Variants in LDLRAD4 observed in about 807,000 individuals in gnomAD.
LDLRAD4 encodes the protein low density lipoprotein receptor class A domain containing 4, also known as low-density lipoprotein receptor class A domain-containing protein 4.
LDLRAD4 carries 5 observed loss-of-function variants against 17.0 expected under a neutral mutation model. The observed-to-expected ratio is 0.29, with a 90% CI of 0.15 to 0.62. The LOEUF (loss-of-function observed/expected upper bound fraction) is 0.62. Ranked by LOEUF, LDLRAD4 falls within the 20% of genes least tolerant of loss-of-function variation. The probability of loss-of-function intolerance (pLI) is 0.84; values close to 1 mark genes in which losing one functional copy is unlikely to be tolerated. For missense variants in LDLRAD4, 340 were observed against 424.7 expected, an observed-to-expected ratio of 0.80 and a Z score of 1.75; for synonymous variants, 168 against 171.8, an observed-to-expected ratio of 0.98 and a Z score of 0.17.
chr18:13,336,897 G>A (rs1053826573), intron 1 of LDLRAD4, among the ~76,000 whole-genome samples: 1 of 152,122 alleles, frequency 6.6e-6, no homozygotes, highest in African/African-American at 2.4e-5. Context: ...ATTCTAGGGA[G>A]TATTCGTCTA....
At chr18:13,491,556 T>C (rs945434328) in intron 3 of LDLRAD4, 1 of 152,220 alleles carries the variant, frequency 6.6e-6, no homozygotes, top group Non-Finnish European at 1.5e-5. Flanking sequence ...CTAGTTTCTG[T>C]CTGTTTCCTT....
chr18:13,400,998 G>T (rs2087136083), intron 2 of LDLRAD4, among the ~76,000 whole-genome samples: 1 of 152,158 alleles, frequency 6.6e-6, no homozygotes, highest in Admixed American at 6.5e-5. Flanking sequence ...ACAGCATTCA[G>T]GTCCCGTAGA....
At chr18:13,576,856 C>T (rs1277428713) in intron 3 of LDLRAD4, among the ~76,000 whole-genome samples, 2 of 152,228 alleles carry the variant, frequency 1.3e-5, no homozygotes, top group Non-Finnish European at 2.9e-5. Flanking sequence ...GCCTGGGGTG[C>T]CCATGAGCTC....
At chr18:13,626,809 G>A (rs1324646825) in intron 4 of LDLRAD4, among the ~76,000 whole-genome samples, 2 of 152,228 alleles carry the variant, frequency 1.3e-5, no homozygotes, top group African/African-American at 4.8e-5. Flanking sequence ...CTTGGTGGCT[G>A]TCAGCCCTCT....
At chr18:13,533,729 G>A (rs1292986917) in intron 3 of LDLRAD4, among the ~76,000 whole-genome samples, 2 of 152,128 alleles carry the variant, frequency 1.3e-5, no homozygotes, top group Non-Finnish European at 2.9e-5. Context: ...GGAGGGATGA[G>A]ATGGGTATTT....
intron 5 of LDLRAD4, 171 bp from the exon 7 acceptor site, chr18:13,644,956 G>A (rs1194299499): frequency 4.7e-6 from 3 of 634,452 alleles, no homozygotes; most frequent in East Asian, 2.8e-5. Flanking sequence ...AATCAGAAAA[G>A]TACACTTTTT....
chr18:13,585,774 A>G (rs2094924897), intron 3 of LDLRAD4, among the ~76,000 whole-genome samples: 1 of 152,192 alleles, frequency 6.6e-6, no homozygotes, highest in Non-Finnish European at 1.5e-5. Flanking sequence ...TTGTGTGGAG[A>G]TTGCTGATTC....
Position 13,621,042 on chromosome 18 carries a change from G to A in LDLRAD4, c.182-75G>A. On this transcript the variant is annotated intron_variant, in intron 3 of 5. Coordinates refer to ENST00000359446, the Ensembl canonical transcript of LDLRAD4. The surrounding 1 kb of genome is among the most constrained non-coding windows in gnomAD (Gnocchi z 5.5). ...GAGGCCTTCAGGGCCTGATGGCTGG[G>A]GTGGTGACAGTGCCTGGAGAATGGG... is the stretch of plus-strand genomic sequence containing the variant. 6.2e-7 allele frequency: 1 copy of A among 1,607,236 alleles called. No individual in the cohort carries two copies. Among genetic ancestry groups the A allele is most frequent in the South Asian group, 1.1e-5 (1 of 90,584 alleles).
intron 1 of LDLRAD4, among the ~76,000 whole-genome samples, chr18:13,338,744 C>T: frequency 6.6e-6 from 1 of 152,110 alleles, no homozygotes; most frequent in Non-Finnish European, 1.5e-5. Context: ...ACATATGAGT[C>T]CTGTTTACAC....
chr18:13,415,777 C>T (rs1022656292), intron 2 of LDLRAD4, among the ~76,000 whole-genome samples: 6 of 152,200 alleles, frequency 3.9e-5, no homozygotes, highest in East Asian at 1.9e-4. Flanking sequence ...GCCAGGGCCA[C>T]GCTGCCCGGT....
chr18:13,499,684 T>C (rs2093578471), intron 3 of LDLRAD4, among the ~76,000 whole-genome samples: 1 of 145,704 alleles, frequency 6.9e-6, no homozygotes, highest in African/African-American at 2.6e-5. Context: ...CGTCCTGCCA[T>C]GGACACCGGA....
intron 3 of LDLRAD4, among the ~76,000 whole-genome samples, chr18:13,568,023 A>G (rs182612542): frequency 2.1e-5 from 3 of 146,180 alleles, no homozygotes. Context: ...TGTGGCTCAC[A>G]CCTGTAATCC....
intron 1 of LDLRAD4, among the ~76,000 whole-genome samples, chr18:13,343,028 T>C (rs942950478): frequency 2.6e-5 from 4 of 152,166 alleles, no homozygotes; most frequent in African/African-American, 9.7e-5. Flanking sequence ...AGATTTTTTT[T>C]TGTGGTTACC....
intron 3 of LDLRAD4, among the ~76,000 whole-genome samples, chr18:13,576,534 T>C (rs2094776247): frequency 6.6e-6 from 1 of 152,214 alleles, no homozygotes; most frequent in African/African-American, 2.4e-5. Context: ...ATTGTGACTT[T>C]TCTGGCTTTC....
At chr18:13,611,787 C>T in intron 3 of LDLRAD4, 2 of 985,592 alleles carry the variant, frequency 2.0e-6, no homozygotes, top group Non-Finnish European at 2.4e-6. Context: ...GAGGGAAGAG[C>T]GAGCCGGGGG....
chr18:13,343,800 T>A (rs998452906), intron 1 of LDLRAD4, among the ~76,000 whole-genome samples: 1 of 152,224 alleles, frequency 6.6e-6, no homozygotes, highest in African/African-American at 2.4e-5. Context: ...TGGTATCTCA[T>A]TGTGGTTTTG....
At chr18:13,411,270 GA>G (rs886401869) in intron 2 of LDLRAD4, among the ~76,000 whole-genome samples, 8 of 149,846 alleles carry the variant, frequency 5.3e-5, no homozygotes, top group African/African-American at 1.7e-4. Context: ...AAAAAAGAAA[GA>G]AAAAAAAGTG....
chr18:13,512,690 C>G (rs78602884), intron 3 of LDLRAD4, among the ~76,000 whole-genome samples: 43 of 152,206 alleles, frequency 2.8e-4, no homozygotes, highest in Non-Finnish European at 5.1e-4. Flanking sequence ...TTGATTTTTC[C>G]AGGTATTCTG....
rs116846731 is a variant in LDLRAD4, at chr18:13,341,232, A to G, written c.-382-46109A>G. On this transcript the variant is annotated intron_variant, in intron 1 of 5. Transcript: ENST00000359446. ...TATTTAGGGTCCTTTGATATTTCAT[A>G]TGAATTTTTGAATGGATTTTTCTAT... is the stretch of plus-strand genomic sequence containing the variant. 4.5e-3 allele frequency among the ~76,000 whole-genome samples: 681 copies of G among 151,764 alleles called. 2 individuals are homozygous for G. Among genetic ancestry groups the G allele is most frequent in the Middle Eastern group, 0.02 (6 of 294 alleles).
Sources: gnomAD v4.1 joint callset for allele counts (sites outside exome capture counted in the v4.1 genomes callset) on GRCh38, gnomAD v4.1.1 for gene constraint, Gnocchi (gnomAD v3.1) non-coding constraint, MANE v1.5 for transcripts, NCBI Gene and HGNC (gene_info 2026-07-23, HGNC 2026-07-21) for gene names.